The following ATR variants were observed in gnomAD, a reference collection of about 807,000 sequenced individuals.
ATR encodes the protein serine/threonine-protein kinase ATR.
ATR carries 142 observed loss-of-function variants against 305.3 expected under a neutral mutation model. That is an observed-to-expected ratio of 0.47 (90% CI 0.41 to 0.53). The LOEUF is 0.53. Among genes scored for constraint, ATR ranks in the 20% least tolerant of loss-of-function variants. ATR has a pLI of 0.00. For synonymous variants in ATR, 1,050 were observed against 1,068.1 expected (o/e 0.98, Z 0.33); for missense variants, 2,135 against 3,133.1 (o/e 0.68, Z 7.60).
At position 142,477,662 on chromosome 3, in the gene ATR, G is replaced by C. The variant is rs2029992317; in HGVS notation, c.6221+7478C>G. Among the ~76,000 whole-genome samples the C allele has an allele frequency of 2.0e-5, 3 of 152,320 alleles. No homozygotes were observed. The South Asian group carries it at 6.2e-4, about 32-fold the overall frequency. On this transcript the variant is annotated intron_variant, in intron 36 of 46. Coordinates refer to ENST00000350721, the MANE Select transcript of ATR (RefSeq NM_001184.4). Reference sequence around the variant, plus strand: ...CTATTGATTGAAATAGTTTCAGAATGAATGGTACCAGTTCCTCCTTGTACC... The same window carrying C: ...CTATTGATTGAAATAGTTTCAGAATCAATGGTACCAGTTCCTCCTTGTACC...
intron 23 of ATR, 27 bp from the exon 24 acceptor site, chr3:142,519,811 A>G (rs1181222099): frequency 6.8e-7 from 1 of 1,470,608 alleles, no homozygotes; most frequent in Admixed American, 1.7e-5. Flanking sequence ...TACATTTGTA[A>G]GTCCACAGTG....
rs762775653 is a variant in ATR at position 142,449,618 on chromosome 3, A to G, written c.7762-16T>C. ...GGGTCTTGGCCTAAAAAGAAGAAAC[A>G]TAAAACCAAAAACAGATGTTAATAA... On this transcript the variant is annotated splice_polypyrimidine_tract_variant and intron_variant, in intron 46 of 46. Coordinates refer to ENST00000350721, the MANE Select transcript of ATR (RefSeq NM_001184.4). 4 of 1,612,680 alleles carry G rather than the reference A, an allele frequency of 2.5e-6. No individual in the cohort carries two copies. The highest frequency in any genetic ancestry group is 3.4e-6 in the Non-Finnish European group (4 of 1,178,960).
intron 27 of ATR, among the ~76,000 whole-genome samples, chr3:142,510,932 T>C (rs1276487459): frequency 2.0e-5 from 3 of 152,208 alleles, no homozygotes; most frequent in Admixed American, 2.0e-4. Flanking sequence ...AGATTCTTCT[T>C]AGTGAAAGTT....
At chr3:142,480,583 G>A (rs1364218946) in intron 36 of ATR, among the ~76,000 whole-genome samples, 7 of 152,210 alleles carry the variant, frequency 4.6e-5, no homozygotes, top group African/African-American at 1.2e-4. Context: ...CTCAAACTCC[G>A]TGCTGGGAGA....
intron 1 of ATR, among the ~76,000 whole-genome samples, chr3:142,577,375 T>G (rs1052604597): frequency 2.0e-5 from 3 of 152,178 alleles, no homozygotes; most frequent in Non-Finnish European, 4.4e-5. Flanking sequence ...ATACTCAGCT[T>G]CACAATGAGC....
At chr3:142,546,889 G>A (rs1020759731) in intron 16 of ATR, among the ~76,000 whole-genome samples, 1 of 152,166 alleles carries the variant, frequency 6.6e-6, no homozygotes, top group African/African-American at 2.4e-5. Flanking sequence ...ACTAGAATGG[G>A]AAATGAGAAA....
At chr3:142,451,651 C>T in intron 46 of ATR, 1 of 1,223,486 alleles carries the variant, frequency 8.2e-7, no homozygotes, top group Non-Finnish European at 1.0e-6. Context: ...GTCATCATAG[C>T]TCACAGCAGC....
intron 3 of ATR, 72 bp from the exon 4 acceptor site, chr3:142,563,181 G>C: frequency 7.1e-7 from 1 of 1,412,964 alleles, no homozygotes; most frequent in Non-Finnish European, 9.7e-7. Flanking sequence ...CTAAATCCTT[G>C]ACGATTGACT....
intron 21 of ATR, among the ~76,000 whole-genome samples, chr3:142,528,874 TATATA>T (rs1483742481): frequency 1.4e-5 from 1 of 73,486 alleles, no homozygotes; most frequent in Non-Finnish European, 2.4e-5. Context: ...TATATATATA[TATATA>T]TTTTTTTTTT....
At chr3:142,491,866 T>C (rs1009239510) in intron 35 of ATR, among the ~76,000 whole-genome samples, 5 of 152,248 alleles carry the variant, frequency 3.3e-5, no homozygotes, top group African/African-American at 1.2e-4. Context: ...TTTTTGTTTA[T>C]GTTCTTAAAC....
rs556715622 is a variant in ATR at position 142,460,622 on chromosome 3, G to A, written c.7193-1239C>T. 1.2e-4 allele frequency among the ~76,000 whole-genome samples: 19 copies of A among 152,214 alleles called. No individual in the cohort carries two copies. The South Asian group carries it at 3.5e-3, about 28-fold the overall frequency. Reference sequence around the variant, plus strand: ...TATTGTATCTTTAGCCTCCAGAACCGTGAGATGATAAATTTCTATTGTTTA... The same window carrying A: ...TATTGTATCTTTAGCCTCCAGAACCATGAGATGATAAATTTCTATTGTTTA... On this transcript the variant is annotated intron_variant, in intron 42 of 46. Transcript: ENST00000350721.
chr3:142,463,487 C>T (rs1018892597), intron 41 of ATR, among the ~76,000 whole-genome samples: 39 of 152,190 alleles, frequency 2.6e-4, no homozygotes, highest in Non-Finnish European at 5.7e-4. Context: ...ACCTCCGCCT[C>T]CCAGGCTCAA....
Position 142,449,318 on chromosome 3 carries a change from G to T in ATR, c.*111C>A. On this transcript the variant is annotated 3_prime_UTR_variant, in exon 47 of 47. Transcript: ENST00000350721. ...TAATGATCAGAGAGAAATAACAGTT[G>T]CTGAGAACGTAAATTTATGTTGTAC... is the stretch of plus-strand genomic sequence containing the variant. 5.2e-6 allele frequency: 5 copies of T among 967,584 alleles called. No individual in the cohort carries two copies. The highest frequency in any genetic ancestry group is 7.9e-6 in the Non-Finnish European group (5 of 633,760). The allele number at this position is 967,584 out of a possible 1,614,324, so 59.9% of individuals were successfully genotyped here. A position where few individuals can be genotyped will look rare whatever the true frequency, so the allele number is the denominator to read the frequency against.
At chr3:142,478,562 T>C (rs1056555220) in intron 36 of ATR, among the ~76,000 whole-genome samples, 2 of 152,238 alleles carry the variant, frequency 1.3e-5, no homozygotes, top group Non-Finnish European at 2.9e-5. Context: ...AGAATGTATA[T>C]TCTGTTGATT....
chr3:142,452,511 TA>T, intron 46 of ATR: 2 of 644,302 alleles, frequency 3.1e-6, no homozygotes, highest in Non-Finnish European at 3.9e-6. Context: ...CCATCTCTAC[TA>T]AAAATATAAT....
chr3:142,483,579 C>T (rs1244827171), intron 36 of ATR, among the ~76,000 whole-genome samples: 3 of 152,110 alleles, frequency 2.0e-5, no homozygotes, highest in African/African-American at 7.2e-5. Flanking sequence ...TGGCTCACAT[C>T]TATAATCCCA....
chr3:142,459,474 C>T, intron 42 of ATR, 91 bp from the exon 43 acceptor site: 3 of 1,387,510 alleles, frequency 2.2e-6, no homozygotes, highest in Non-Finnish European at 3.0e-6. Context: ...GAAACATCTA[C>T]TTTTATTCAA....
At chr3:142,496,585 A>T in intron 33 of ATR, 65 bp from the exon 34 acceptor site, 1 of 1,523,162 alleles carries the variant, frequency 6.6e-7, no homozygotes, top group Non-Finnish European at 9.0e-7. Flanking sequence ...AACTTAACTT[A>T]AAACAATTTA....
In ATR at chr3:142,493,229, T is replaced by C. The variant is rs1223617404; in HGVS notation, c.5981A>G (p.Lys1994Arg). The change falls in exon 35 of 47, where the codon AAG becomes AGG. Residue 1994 changes from lysine (K) to arginine (R), a missense_variant. Physicochemically the swap from Lys to Arg is conservative, Grantham distance 26. Coordinates refer to ENST00000350721, the MANE Select transcript of ATR (RefSeq NM_001184.4). ...FPENETPPEG[K>R]NMLIHGRAML... Reference sequence around the variant, plus strand: ...AGCTCGACCATGGATTAACATGTTCTTACCCTCAGGTGGGGTTTCATTTTC... The same window carrying C: ...AGCTCGACCATGGATTAACATGTTCCTACCCTCAGGTGGGGTTTCATTTTC... 4 of 1,613,920 alleles carry C rather than the reference T, an allele frequency of 2.5e-6. No individual in the cohort carries two copies. Among genetic ancestry groups the C allele is most frequent in the Admixed American group, 3.3e-5 (2 of 59,996 alleles).
Sources: allele counts gnomAD v4.1 joint callset (sites outside exome capture counted in the v4.1 genomes callset), GRCh38; gene constraint gnomAD v4.1.1; transcripts MANE v1.5; gene names NCBI Gene and HGNC (gene_info 2026-07-23, HGNC 2026-07-21).